The following C1QTNF3 variants were observed in gnomAD, a reference collection of about 807,000 sequenced individuals.
C1QTNF3 encodes complement C1q tumor necrosis factor-related protein 3.
C1QTNF3 carries 26 observed loss-of-function variants against 32.6 expected under a neutral mutation model. That is an observed-to-expected ratio of 0.80 (90% confidence interval 0.58 to 1.11). The LOEUF is 1.11. Ranked by LOEUF, C1QTNF3 falls within the 50% of genes least tolerant of loss-of-function variation. C1QTNF3 has a pLI of 0.00. For synonymous variants in C1QTNF3, 155 were observed against 146.0 expected (o/e 1.06, Z -0.44); for missense variants, 362 against 398.2 (o/e 0.91, Z 0.77).
At chr5:34,204,005 A>G in the C1QTNF3 span, among the ~76,000 whole-genome samples, 5 of 152,316 alleles carry the variant, frequency 3.3e-5, no homozygotes, top group African/African-American at 1.2e-4. Context: ...CCAACACTAG[A>G]CCACCAAGAT....
the C1QTNF3 span, among the ~76,000 whole-genome samples, chr5:34,157,577 C>A: frequency 6.6e-6 from 1 of 152,124 alleles, no homozygotes; most frequent in Non-Finnish European, 1.5e-5. Context: ...GGCATATAGT[C>A]CATGGGTTCT....
intron 5 of C1QTNF3, 69 bp from the exon 6 acceptor site, chr5:34,020,811 T>C (rs1183170799): frequency 2.7e-6 from 4 of 1,498,802 alleles, no homozygotes; most frequent in Admixed American, 1.8e-5. Context: ...CCAAAGTCTG[T>C]GCTCCCCTTC....
chr5:34,050,341 T>G, the C1QTNF3 span, among the ~76,000 whole-genome samples: 1 of 152,218 alleles, frequency 6.6e-6, no homozygotes, highest in African/African-American at 2.4e-5. Context: ...TACTCTCTCT[T>G]CATGAAGTTT....
chr5:34,241,941 A>AAGGG, the C1QTNF3 span, among the ~76,000 whole-genome samples: 10,152 of 105,454 alleles, frequency 0.096, 1,384 homozygotes, highest in East Asian at 0.18. Context: ...GGAAGGGAGG[A>AAGGG]AGGGAGGGAG....
At chr5:34,129,624 A>G in the C1QTNF3 span, among the ~76,000 whole-genome samples, 1 of 152,146 alleles carries the variant, frequency 6.6e-6, no homozygotes, top group Admixed American at 6.5e-5. Flanking sequence ...ATATACACAT[A>G]TATGTAATTA....
chr5:34,129,563 A>G, the C1QTNF3 span, among the ~76,000 whole-genome samples: 1 of 151,976 alleles, frequency 6.6e-6, no homozygotes, highest in Non-Finnish European at 1.5e-5. Context: ...TTAAAGCATA[A>G]CTCTATACCC....
At chr5:34,134,738 T>C in the C1QTNF3 span, among the ~76,000 whole-genome samples, 14 of 152,296 alleles carry the variant, frequency 9.2e-5, no homozygotes, top group Non-Finnish European at 1.8e-4. Context: ...GTTATTGGTG[T>C]ATAGGAATGC....
At chr5:34,110,179 C>T in the C1QTNF3 span, among the ~76,000 whole-genome samples, 1 of 152,174 alleles carries the variant, frequency 6.6e-6, no homozygotes, top group East Asian at 1.9e-4. Flanking sequence ...CCAGCAGATC[C>T]GACAAAAGAG....
the C1QTNF3 span, among the ~76,000 whole-genome samples, chr5:34,234,694 G>A: frequency 0.013 from 1,963 of 152,196 alleles, 49 homozygotes; most frequent in African/African-American, 0.045. Context: ...ATATTTATTC[G>A]ATGAAACCAT....
chr5:34,042,700 G>A (rs963708650), intron 1 of C1QTNF3, 123 bp downstream of exon 1: 2 of 932,474 alleles, frequency 2.1e-6, no homozygotes, highest in Non-Finnish European at 3.3e-6. Flanking sequence ...AAGCAGCTTA[G>A]CGAACTTCTC....
intron 1 of C1QTNF3, 69 bp from the exon 2 acceptor site, chr5:34,035,827 A>G (rs1754724067): frequency 8.4e-7 from 1 of 1,186,810 alleles, no homozygotes; most frequent in Admixed American, 2.2e-5. Context: ...TTAAATTTCC[A>G]CTGGCCTTGG....
chr5:34,165,452 C>T, the C1QTNF3 span: 1 of 152,212 alleles, frequency 6.6e-6, no homozygotes, highest in Non-Finnish European at 1.5e-5. Context: ...ATACATCATG[C>T]AGCATATTAT....
chr5:34,132,406 A>AAT, the C1QTNF3 span, among the ~76,000 whole-genome samples: 78,574 of 143,476 alleles, frequency 0.55, 22,504 homozygotes, highest in Non-Finnish European at 0.63. Flanking sequence ...CAACAACAAA[A>AAT]ATATATATAT....
the C1QTNF3 span, among the ~76,000 whole-genome samples, chr5:34,162,660 A>AAATTTGTT: frequency 1.3e-5 from 2 of 152,166 alleles, no homozygotes; most frequent in African/African-American, 4.8e-5. Flanking sequence ...AATATTACAG[A>AAATTTGTT]AATTTGTTTT....
chr5:34,071,647 T>C, the C1QTNF3 span, among the ~76,000 whole-genome samples: 1 of 152,218 alleles, frequency 6.6e-6, no homozygotes. Flanking sequence ...CTTAGGATGA[T>C]AGAACAAGTT....
the C1QTNF3 span, among the ~76,000 whole-genome samples, chr5:34,240,725 T>C: frequency 5.3e-5 from 8 of 152,196 alleles, no homozygotes; most frequent in Admixed American, 5.2e-4. Context: ...ACTGAAACTA[T>C]TCCAGAAAAG....
intron 3 of C1QTNF3, among the ~76,000 whole-genome samples, chr5:34,029,727 T>A (rs1432808614): frequency 6.6e-6 from 1 of 152,212 alleles, no homozygotes; most frequent in African/African-American, 2.4e-5. Context: ...CTTTCTTCAT[T>A]ACACTTATAA....
the C1QTNF3 span, among the ~76,000 whole-genome samples, chr5:34,223,182 A>G: frequency 1.1e-5 from 1 of 91,644 alleles, no homozygotes; most frequent in Middle Eastern, 8.3e-3. Flanking sequence ...CCCCCACCCC[A>G]TAACAGTCCC....
chr5:34,115,841 T>TAATA, the C1QTNF3 span, among the ~76,000 whole-genome samples: 1 of 152,164 alleles, frequency 6.6e-6, no homozygotes, highest in Non-Finnish European at 1.5e-5. Flanking sequence ...GTTCTTATTA[T>TAATA]ATATCTGCAC....
Sources: gnomAD v4.1 joint callset for allele counts (sites outside exome capture counted in the v4.1 genomes callset) on GRCh38, gnomAD v4.1.1 for gene constraint, MANE v1.5 for transcripts, NCBI Gene and HGNC (gene_info 2026-07-23, HGNC 2026-07-21) for gene names.